The following EPHA6 variants were observed in gnomAD, a reference collection of about 807,000 sequenced individuals.
The protein encoded by EPHA6 is ephrin type-A receptor 6.
In EPHA6, 50 loss-of-function variants were observed where a neutral mutation model predicts 112.0. The observed-to-expected ratio is 0.45, with a 90% confidence interval of 0.36 to 0.56. EPHA6 has a LOEUF of 0.56. Among genes scored for constraint, EPHA6 ranks in the 20% least tolerant of loss-of-function variants. The pLI, the probability that EPHA6 is intolerant of heterozygous loss-of-function variation, is 0.00. For missense variants in EPHA6, 1,280 were observed against 1,417.4 expected (o/e 0.90, Z 1.56); for synonymous variants, 529 against 490.7 (o/e 1.08, Z -1.03).
In EPHA6 at chr3:97,231,664, C is replaced by T. The variant is rs79082888; in HGVS notation, c.1270+5245C>T. Among the ~76,000 whole-genome samples the T allele has an allele frequency of 1.5e-4, 23 of 152,138 alleles. 1 individual carries two copies. In the East Asian group the frequency reaches 4.5e-3, roughly 30 times the overall value. ...ATGAGTGCACCCAAGGAACAATGGC[C>T]TGGGAGAAAGTTCCTCTGAGGTCTG... On this transcript the variant is annotated intron_variant, in intron 4 of 17. Coordinates refer to ENST00000389672, the MANE Select transcript of EPHA6 (RefSeq NM_001080448.3).
At chr3:96,841,735 A>G (rs894228241) in intron 1 of EPHA6, among the ~76,000 whole-genome samples, 2 of 151,782 alleles carry the variant, frequency 1.3e-5, no homozygotes, top group South Asian at 2.1e-4. Flanking sequence ...ATTTTTTTCT[A>G]TAACATACCT....
intron 5 of EPHA6, among the ~76,000 whole-genome samples, chr3:97,388,000 C>T (rs1373071212): frequency 6.6e-6 from 1 of 152,068 alleles, no homozygotes; most frequent in Non-Finnish European, 1.5e-5. Flanking sequence ...GTTAAACAAC[C>T]AGATCTCATG....
intron 5 of EPHA6, among the ~76,000 whole-genome samples, chr3:97,362,893 G>C (rs911273475): frequency 8.6e-5 from 13 of 151,522 alleles, no homozygotes; most frequent in African/African-American, 3.1e-4. Context: ...AGTGTATTAA[G>C]TTTATTAAGA....
intron 1 of EPHA6, among the ~76,000 whole-genome samples, chr3:96,816,636 G>GT (rs1361184080): frequency 6.6e-6 from 1 of 152,022 alleles, no homozygotes; most frequent in Non-Finnish European, 1.5e-5. Flanking sequence ...GTTTGTAACA[G>GT]TTGTTCCCAT....
intron 2 of EPHA6, among the ~76,000 whole-genome samples, chr3:96,949,015 G>T (rs2041411898): frequency 1.3e-5 from 2 of 152,094 alleles, no homozygotes; most frequent in Non-Finnish European, 1.5e-5. Flanking sequence ...GTGTTTTGTT[G>T]TATGCCGTAT....
In EPHA6 at chr3:96,942,383, C is replaced by T. The variant is rs149329833; in HGVS notation, c.451-44947C>T. On this transcript the variant is annotated intron_variant, in intron 2 of 17. Coordinates refer to ENST00000389672, the MANE Select transcript of EPHA6 (RefSeq NM_001080448.3). The stretch of plus-strand genomic sequence containing the variant: ...CTCAGACTGCTGTGCTAGCAATCAG[C>T]GTGACTCCGTGGGCCTAGGACCCTC... 3.5e-3 allele frequency among the ~76,000 whole-genome samples: 534 copies of T among 152,298 alleles called. 1 individual carries two copies. The highest frequency in any genetic ancestry group is 5.4e-3 in the Non-Finnish European group (365 of 67,998).
rs912907572 is a variant in EPHA6, at chr3:97,750,554, A to T, written c.*1853A>T. ...GTATTTTTAGTAGAGACGGGGTTTC[A>T]CCATGTTGGCCAGGCTGCTCGAACT... On this transcript the variant is annotated 3_prime_UTR_variant, in exon 18 of 18. Transcript: ENST00000389672. Among the ~76,000 whole-genome samples the T allele has an allele frequency of 6.6e-6, 1 of 151,832 alleles. No individual in the cohort carries two copies. The highest frequency in any genetic ancestry group is 2.4e-5 in the African/African-American group (1 of 41,320).
At chr3:97,603,431 GCT>G (rs1033445499) in intron 12 of EPHA6, among the ~76,000 whole-genome samples, 14 of 151,984 alleles carry the variant, frequency 9.2e-5, no homozygotes, top group African/African-American at 3.4e-4. Flanking sequence ...TTTTTGCTCA[GCT>G]CTTTTATCAC....
intron 3 of EPHA6, among the ~76,000 whole-genome samples, chr3:97,077,986 T>C (rs1368754032): frequency 6.6e-6 from 1 of 152,078 alleles, no homozygotes; most frequent in Non-Finnish European, 1.5e-5. Context: ...TCCACGATGG[T>C]TGAACAAGTT....
chr3:96,829,947 G>GCA (rs1349079216), intron 1 of EPHA6, among the ~76,000 whole-genome samples: 74 of 70,520 alleles, frequency 1.0e-3, no homozygotes, highest in African/African-American at 2.1e-3. Context: ...GTGCGCGCGC[G>GCA]CGCACACACA....
At chr3:97,178,660 T>G (rs1308774376) in intron 3 of EPHA6, among the ~76,000 whole-genome samples, 1 of 152,194 alleles carries the variant, frequency 6.6e-6, no homozygotes, top group Non-Finnish European at 1.5e-5. Context: ...ACTCTTCATA[T>G]GTCATGCCAC....
intron 1 of EPHA6, among the ~76,000 whole-genome samples, chr3:96,830,400 TATTA>T (rs1173272967): frequency 6.6e-6 from 1 of 152,164 alleles, no homozygotes; most frequent in African/African-American, 2.4e-5. Flanking sequence ...CAACTGTGTA[TATTA>T]ATTCTACCAC....
At chr3:96,852,647 C>T (rs1701932084) in intron 1 of EPHA6, among the ~76,000 whole-genome samples, 1 of 151,306 alleles carries the variant, frequency 6.6e-6, no homozygotes, top group South Asian at 2.1e-4. Context: ...ATGGCTTGCT[C>T]CCCTTCAACC....
intron 3 of EPHA6, among the ~76,000 whole-genome samples, chr3:97,216,527 A>G (rs1017510395): frequency 2.6e-5 from 4 of 152,242 alleles, no homozygotes; most frequent in African/African-American, 9.6e-5. Context: ...AGCAATGGAA[A>G]TTAGTATGAC....
intron 11 of EPHA6, chr3:97,559,594 C>A (rs1367202593): frequency 2.2e-6 from 1 of 454,782 alleles, no homozygotes; most frequent in Admixed American, 2.4e-5. Context: ...ATTTCAGAGC[C>A]ACTGGAAATG....
intron 11 of EPHA6, among the ~76,000 whole-genome samples, chr3:97,574,379 A>T (rs1002392328): frequency 3.3e-5 from 5 of 152,172 alleles, no homozygotes; most frequent in Admixed American, 2.6e-4. Context: ...AGTAACACTT[A>T]AGCAGAGTCT....
chr3:97,456,782 A>AT (rs1309503556), intron 7 of EPHA6, among the ~76,000 whole-genome samples: 6 of 151,290 alleles, frequency 4.0e-5, no homozygotes, highest in East Asian at 3.9e-4. Flanking sequence ...TTTGAGATGG[A>AT]TTTTTTTTTC....
chr3:97,067,699 A>G (rs2046222174), intron 3 of EPHA6, among the ~76,000 whole-genome samples: 1 of 152,052 alleles, frequency 6.6e-6, no homozygotes, highest in Non-Finnish European at 1.5e-5. Flanking sequence ...AGAGGGGTAG[A>G]ATGAGGAACA....
At chr3:97,747,706 T>A (rs2035775253) in intron 17 of EPHA6, 134 bp downstream of exon 17, 1 of 696,344 alleles carries the variant, frequency 1.4e-6, no homozygotes, top group East Asian at 3.4e-5. Flanking sequence ...CTGACTATCA[T>A]TCTAGTGGAA....
Sources: allele counts gnomAD v4.1 joint callset (sites outside exome capture counted in the v4.1 genomes callset), GRCh38; gene constraint gnomAD v4.1.1; transcripts MANE v1.5; gene names NCBI Gene and HGNC (gene_info 2026-07-23, HGNC 2026-07-21).